The following DOHH variants were observed in gnomAD, a reference collection of about 807,000 sequenced individuals.
DOHH encodes the protein HEAT-like (PBS lyase) repeat containing 1.
In DOHH, 16 loss-of-function variants were observed where a neutral mutation model predicts 19.9. That is an observed-to-expected ratio of 0.80 (90% CI 0.54 to 1.22). The LOEUF is 1.22. Ranked by LOEUF, DOHH falls within the 50% of genes most tolerant of loss-of-function variation. DOHH has a pLI of 0.00. For synonymous variants in DOHH, 233 were observed against 217.0 expected (o/e 1.07, Z -0.65); for missense variants, 460 against 460.6 (o/e 1.00, Z 0.01).
In DOHH at chr19:3,491,649, C is replaced by G; in HGVS notation, c.752G>C (p.Arg251Pro). ...ECAEALGAIA[R>P]PACLAALQAH... ...CTGCAGCGCGGCCAGGCAGGCGGGC[C>G]GGGCAATGGCGCCCAGGGCCTCCGC... The change falls in exon 5 of 5, where the codon CGG (arginine) becomes CCG (proline). Residue 251 changes from arginine (R) to proline (P), a missense_variant. Coordinates refer to ENST00000427575, the MANE Select transcript of DOHH (RefSeq NM_001145165.2). The surrounding 1 kb of genome is among the most constrained non-coding windows in gnomAD (Gnocchi z 5.6). 1 of 1,534,698 alleles carries G rather than the reference C, an allele frequency of 6.5e-7. No individual in the cohort carries two copies. Among genetic ancestry groups the G allele is most frequent in the South Asian group, 1.2e-5 (1 of 83,828 alleles).
At chr19:3,493,223 AG>A (rs2082883944) in intron 3 of DOHH, among the ~76,000 whole-genome samples, 1 of 152,284 alleles carries the variant, frequency 6.6e-6, no homozygotes, top group Non-Finnish European at 1.5e-5. Flanking sequence ...AGACCAAGGC[AG>A]GAGGATCGCT....
chr19:3,493,912 C>A (rs911998540), intron 3 of DOHH, 116 bp downstream of exon 3: 1 of 962,300 alleles, frequency 1.0e-6, no homozygotes, highest in Non-Finnish European at 1.5e-6. Flanking sequence ...AGTGGTCGCC[C>A]TGGCAACCAG....
At position 3,500,546 on chromosome 19, in the gene DOHH, T is replaced by A. The variant is rs2082943035; in HGVS notation, c.-73+15A>T. The A allele has an allele frequency of 6.6e-6, 1 of 152,152 alleles. No homozygotes were observed. Among genetic ancestry groups the A allele is most frequent in the South Asian group, 2.1e-4 (1 of 4,826 alleles). 9.4% of individuals were successfully genotyped at this position (152,152 alleles called of 1,614,324 possible). A position where few individuals can be genotyped will look rare whatever the true frequency, so the allele number is the denominator to read the frequency against. On this transcript the variant is annotated intron_variant, in intron 1 of 4. Coordinates refer to ENST00000427575, the MANE Select transcript of DOHH (RefSeq NM_001145165.2). ...CGGGCCCCACACCGTGATCGCCGCC[T>A]CCGGGACGCCTCACCGAGCTCTGGA...
intron 4 of DOHH, 45 bp downstream of exon 4, chr19:3,492,217 C>T: frequency 1.4e-6 from 2 of 1,407,980 alleles, no homozygotes; most frequent in Non-Finnish European, 9.2e-7. Context: ...CTGAACCTCA[C>T]AGCGAGGCAC....
At position 3,491,898 on chromosome 19, in the gene DOHH, GC is replaced by G; in HGVS notation, c.590-88del. Reference sequence around the variant, plus strand: ...CGAAGACATGGGGTCTTGCTATCTTGCCCAGGCAGGTCACAAAGTCCTGGCG... The same window carrying G: ...CGAAGACATGGGGTCTTGCTATCTTGCCAGGCAGGTCACAAAGTCCTGGCG... On this transcript the variant is annotated intron_variant, in intron 4 of 4. Transcript: ENST00000427575. The surrounding 1 kb of genome is among the most constrained non-coding windows in gnomAD (Gnocchi z 5.6). 1 of 1,297,426 alleles carries G rather than the reference GC, an allele frequency of 7.7e-7. No individual in the cohort carries two copies. The highest frequency in any genetic ancestry group is 1.0e-6 in the Non-Finnish European group (1 of 991,420). 80.4% of individuals were successfully genotyped at this position (1,297,426 alleles called of 1,614,324 possible).
chr19:3,494,017 G>C lies in DOHH; in HGVS notation c.351+11C>G, dbSNP rs375620572. ...CGAGACTGGCAGGGAGACAAGCAGGGGCCTGGTTACCTCGATGACGGGGTC... is the reference window on the plus strand; with the variant it reads ...CGAGACTGGCAGGGAGACAAGCAGGCGCCTGGTTACCTCGATGACGGGGTC... On this transcript the variant is annotated intron_variant, in intron 3 of 4. Coordinates refer to ENST00000427575, the MANE Select transcript of DOHH (RefSeq NM_001145165.2). 3 of 1,611,794 alleles carry C rather than the reference G, an allele frequency of 1.9e-6. No homozygotes were observed. The African/African-American group carries it at 4.0e-5, about 22-fold the overall frequency.
At chr19:3,499,468 G>A (rs1420914420) in intron 1 of DOHH, among the ~76,000 whole-genome samples, 1 of 152,108 alleles carries the variant, frequency 6.6e-6, no homozygotes, top group Non-Finnish European at 1.5e-5. Flanking sequence ...GCACGCAGTA[G>A]GGCCTCAATA....
intron 2 of DOHH, 37 bp from the exon 3 acceptor site, chr19:3,494,141 G>A (rs1469445064): frequency 1.9e-6 from 3 of 1,581,284 alleles, no homozygotes; most frequent in African/African-American, 1.3e-5. Context: ...TGTTGGTGGG[G>A]TGGATGTGTG....
intron 1 of DOHH, among the ~76,000 whole-genome samples, chr19:3,498,763 C>T (rs937317087): frequency 6.6e-6 from 1 of 152,110 alleles, no homozygotes; most frequent in African/African-American, 2.4e-5. Flanking sequence ...TACTGGGTGT[C>T]TGAAGAACTC....
At chr19:3,492,625 G>A in intron 3 of DOHH, 126 bp from the exon 4 acceptor site, 1 of 783,852 alleles carries the variant, frequency 1.3e-6, no homozygotes, top group South Asian at 2.6e-5. Context: ...CATCATTCCA[G>A]GCAGGAAGTA....
In DOHH at chr19:3,496,542, T is replaced by C; in HGVS notation, c.273A>G (p.Ala91=). The change falls in exon 2 of 5, where the codon GCA becomes GCG. Residue 91 remains alanine, a splice_region_variant and synonymous_variant. Transcript: ENST00000427575. The surrounding 1 kb of genome is among the most constrained non-coding windows in gnomAD (Gnocchi z 4.8). ...TRQEPMVRHE[A]GEALGAIGDP... is the part of the protein sequence containing the mutation. ...CCCGGGACACAGACAGGTGCTCACC[T>C]GCCTCATGGCGCACCATGGGCTCCT... is the stretch of plus-strand genomic sequence containing the variant. 1 of 1,609,462 alleles carries C rather than the reference T, an allele frequency of 6.2e-7. No homozygotes were observed. Among genetic ancestry groups the C allele is most frequent in the Non-Finnish European group, 8.5e-7 (1 of 1,177,518 alleles).
intron 3 of DOHH, among the ~76,000 whole-genome samples, chr19:3,493,416 T>C (rs2082885403): frequency 6.6e-6 from 1 of 152,220 alleles, no homozygotes; most frequent in Non-Finnish European, 1.5e-5. Flanking sequence ...GAGACCATCC[T>C]GGCTAACATG....
At position 3,492,296 on chromosome 19, in the gene DOHH, C is replaced by T. The variant is rs1266448795; in HGVS notation, c.555G>A (p.Ala185=). Residue 185 remains alanine, a synonymous_variant, in exon 4 of 5, where the codon GCG becomes GCA. Coordinates refer to ENST00000427575, the MANE Select transcript of DOHH (RefSeq NM_001145165.2). ...GCGCCAGGGCGGCCTCCTCGCCTCCCGCGTTGCGCAGGGCGAACATGGCGC... is the reference window on the plus strand; with the variant it reads ...GCGCCAGGGCGGCCTCCTCGCCTCCTGCGTTGCGCAGGGCGAACATGGCGC... ...RYRAMFALRN[A]GGEEAALALA... 2.6e-6 allele frequency: 4 copies of T among 1,511,976 alleles called. No homozygotes were observed. Among genetic ancestry groups the T allele is most frequent in the African/African-American group, 1.4e-5 (1 of 70,198 alleles). 93.7% of individuals were successfully genotyped at this position (1,511,976 alleles called of 1,614,324 possible).
chr19:3,498,474 C>T (rs1465630348), intron 1 of DOHH, among the ~76,000 whole-genome samples: 3 of 151,950 alleles, frequency 2.0e-5, no homozygotes, highest in Non-Finnish European at 4.4e-5. Flanking sequence ...GGCATTATCT[C>T]GGCTCACCAC....
intron 3 of DOHH, 36 bp downstream of exon 3, chr19:3,493,992 C>G: frequency 3.1e-6 from 5 of 1,598,786 alleles, no homozygotes; most frequent in South Asian, 1.1e-5. Context: ...CCCAGGGACC[C>G]GAGACTGGCA....
chr19:3,493,617 A>T (rs1198624499), intron 3 of DOHH, among the ~76,000 whole-genome samples: 2 of 152,062 alleles, frequency 1.3e-5, no homozygotes, highest in Non-Finnish European at 1.5e-5. Context: ...TCTCAAAAAA[A>T]AAAAAGAAGA....
At chr19:3,499,899 T>G (rs1435526421) in intron 1 of DOHH, among the ~76,000 whole-genome samples, 1 of 152,192 alleles carries the variant, frequency 6.6e-6, no homozygotes, top group Admixed American at 6.5e-5. Context: ...ATCACTACCC[T>G]GTGAGGTAGT....
At chr19:3,494,298 A>C (rs2082892146) in intron 2 of DOHH, among the ~76,000 whole-genome samples, 194 bp from the exon 3 acceptor site, 1 of 152,120 alleles carries the variant, frequency 6.6e-6, no homozygotes, top group Non-Finnish European at 1.5e-5. Context: ...TCCCCAGAGC[A>C]AGGCACTGCC....
chr19:3,491,375 C>T lies in DOHH; in HGVS notation c.*117G>A, dbSNP rs1450565298. ...GGAGGAGGGGGACAGCAACCATGCGCCCAGCAAGACACAAGCGATGACACC... is the reference window on the plus strand; with the variant it reads ...GGAGGAGGGGGACAGCAACCATGCGTCCAGCAAGACACAAGCGATGACACC... On this transcript the variant is annotated 3_prime_UTR_variant, in exon 5 of 5. Transcript: ENST00000427575. The surrounding 1 kb of genome is among the most constrained non-coding windows in gnomAD (Gnocchi z 5.6). 8.7e-7 allele frequency: 1 copy of T among 1,146,298 alleles called. No homozygotes were observed. The highest frequency in any genetic ancestry group is 1.6e-5 in the African/African-American group (1 of 62,646). The allele number at this position is 1,146,298 out of a possible 1,614,324, so 71.0% of individuals were successfully genotyped here.
Sources: allele counts gnomAD v4.1 joint callset (sites outside exome capture counted in the v4.1 genomes callset), GRCh38; gene constraint gnomAD v4.1.1; non-coding constraint Gnocchi (gnomAD v3.1); transcripts MANE v1.5; gene names NCBI Gene and HGNC (gene_info 2026-07-23, HGNC 2026-07-21).